The following LPP variants were observed in gnomAD, a reference collection of about 807,000 sequenced individuals.
LPP encodes the protein lipoma-preferred partner.
Under a neutral mutation model 60.4 loss-of-function variants are expected in LPP, and 38 were observed. The observed-to-expected ratio is 0.63, with a 90% CI of 0.49 to 0.83. The LOEUF (loss-of-function observed/expected upper bound fraction) is 0.83, where lower values mean the gene tolerates loss of function less well. Ranked by LOEUF, LPP falls within the 40% of genes least tolerant of loss-of-function variation. The pLI, the probability that LPP is intolerant of heterozygous loss-of-function variation, is 0.00. For synonymous variants in LPP, 328 were observed against 290.8 expected (o/e 1.13, Z -1.30); for missense variants, 902 against 783.6 (o/e 1.15, Z -1.80).
intron 3 of LPP, among the ~76,000 whole-genome samples, chr3:188,375,903 T>C (rs1450354739): frequency 6.6e-6 from 1 of 152,242 alleles, no homozygotes; most frequent in Non-Finnish European, 1.5e-5. Flanking sequence ...TGGTATGTTG[T>C]GTCTTTGTTC....
intron 6 of LPP, among the ~76,000 whole-genome samples, chr3:188,538,085 G>A (rs1443442861): frequency 6.6e-6 from 1 of 152,188 alleles, no homozygotes; most frequent in African/African-American, 2.4e-5. Context: ...AGACACAAAT[G>A]TAAAGGATAA....
At chr3:188,770,074 G>A (rs973612763) in intron 9 of LPP, among the ~76,000 whole-genome samples, 4 of 151,926 alleles carry the variant, frequency 2.6e-5, no homozygotes, top group African/African-American at 9.7e-5. Flanking sequence ...TGAATTGTTG[G>A]CAGTGGTTCA....
Position 188,577,752 on chromosome 3 carries a change from C to CCTTCCTTT in LPP, c.430-31409_430-31408insCTTCCTTT, listed in dbSNP as rs772131875. Among the ~76,000 whole-genome samples the CCTTCCTTT allele has an allele frequency of 1.8e-3, 212 of 115,038 alleles. 2 individuals carry two copies. Among genetic ancestry groups the CCTTCCTTT allele is most frequent in the African/African-American group, 3.5e-3 (113 of 32,624 alleles). 75.5% of individuals were successfully genotyped at this position (115,038 alleles called of 152,430 possible). On this transcript the variant is annotated intron_variant, in intron 6 of 11. Coordinates refer to ENST00000617246, the MANE Select transcript of LPP (RefSeq NM_001375462.1). ...GGTTTCCTTCCTTCCTTTGTTCCTT[C>CCTTCCTTT]GTTCCTTCGTTCCTTCCTTCCTTCC... is the stretch of plus-strand genomic sequence containing the variant.
chr3:188,591,336 A>G (rs1467024305), intron 6 of LPP, among the ~76,000 whole-genome samples: 2 of 152,160 alleles, frequency 1.3e-5, no homozygotes, highest in African/African-American at 2.4e-5. Context: ...TTTTTCTGTT[A>G]TTGCATTTAT....
intron 8 of LPP, among the ~76,000 whole-genome samples, chr3:188,719,766 A>G (rs1715565159): frequency 6.6e-6 from 1 of 152,130 alleles, no homozygotes; most frequent in Non-Finnish European, 1.5e-5. Context: ...CACTTTCCCC[A>G]CCACTTTCTC....
At chr3:188,321,156 A>G (rs974395346) in intron 2 of LPP, among the ~76,000 whole-genome samples, 1 of 152,162 alleles carries the variant, frequency 6.6e-6, no homozygotes, top group Non-Finnish European at 1.5e-5. Context: ...CTCAATCAAT[A>G]TTACAGAACT....
At position 188,282,219 on chromosome 3, in the gene LPP, C is replaced by T. The variant is rs373229006; in HGVS notation, c.-67+56692C>T. ...CTTAATATGGGGCTCAGTGGCCAGGCGTTTACATAATATTGTGGGTCCTTG... is the reference window on the plus strand; with the variant it reads ...CTTAATATGGGGCTCAGTGGCCAGGTGTTTACATAATATTGTGGGTCCTTG... On this transcript the variant is annotated intron_variant, in intron 2 of 11. Transcript: ENST00000617246. 7.6e-4 allele frequency among the ~76,000 whole-genome samples: 116 copies of T among 151,972 alleles called. 3 individuals carry two copies. In the South Asian group the frequency reaches 0.017, roughly 22 times the overall value.
At position 188,323,937 on chromosome 3, in the gene LPP, A is replaced by G. The variant is rs186608622; in HGVS notation, c.-66-17726A>G. Among the ~76,000 whole-genome samples the G allele has an allele frequency of 2.6e-3, 398 of 152,244 alleles. 1 individual carries two copies. Among genetic ancestry groups the G allele is most frequent in the African/African-American group, 8.9e-3 (369 of 41,550 alleles). On this transcript the variant is annotated intron_variant, in intron 2 of 11. Coordinates refer to ENST00000617246, the MANE Select transcript of LPP (RefSeq NM_001375462.1). ...TAACGTCTCTGAGCATTAGTTTGTC[A>G]TTTTCTTACATAGGAATAGAGTTAT...
At chr3:188,492,774 A>G (rs1808781790) in intron 5 of LPP, among the ~76,000 whole-genome samples, 1 of 152,204 alleles carries the variant, frequency 6.6e-6, no homozygotes, top group African/African-American at 2.4e-5. Context: ...TTATTTCTCT[A>G]TGAGGGAAAA....
At chr3:188,284,195 GC>G in intron 2 of LPP, among the ~76,000 whole-genome samples, 1 of 152,002 alleles carries the variant, frequency 6.6e-6, no homozygotes, top group Middle Eastern at 3.4e-3. Flanking sequence ...TGATCCGCCT[GC>G]CTCGGCCTCC....
intron 7 of LPP, among the ~76,000 whole-genome samples, chr3:188,665,963 T>C (rs1855711291): frequency 6.6e-6 from 1 of 152,240 alleles, no homozygotes; most frequent in Non-Finnish European, 1.5e-5. Context: ...ATCCATCCTA[T>C]AATTCTACAA....
chr3:188,342,424 A>G (rs1763293362), intron 3 of LPP, among the ~76,000 whole-genome samples: 1 of 152,230 alleles, frequency 6.6e-6, no homozygotes, highest in Non-Finnish European at 1.5e-5. Flanking sequence ...GAAGCATCAT[A>G]GTTGTAAAAT....
chr3:188,270,646 T>C (rs940798496), intron 2 of LPP, among the ~76,000 whole-genome samples: 8 of 152,172 alleles, frequency 5.3e-5, no homozygotes, highest in African/African-American at 1.4e-4. Context: ...AGACATGCAA[T>C]GCATTCCTCA....
At chr3:188,401,305 C>G (rs1782185999) in intron 3 of LPP, among the ~76,000 whole-genome samples, 1 of 152,230 alleles carries the variant, frequency 6.6e-6, no homozygotes. Flanking sequence ...TTTCCCCTAA[C>G]TGTTCTCCCT....
At chr3:188,327,754 T>C (rs1758849082) in intron 2 of LPP, among the ~76,000 whole-genome samples, 1 of 152,146 alleles carries the variant, frequency 6.6e-6, no homozygotes, top group Admixed American at 6.5e-5. Flanking sequence ...TTATCTTTCC[T>C]AGTGGTTTAG....
At chr3:188,228,657 A>G (rs991460229) in intron 2 of LPP, among the ~76,000 whole-genome samples, 1 of 152,196 alleles carries the variant, frequency 6.6e-6, no homozygotes, top group East Asian at 1.9e-4. Flanking sequence ...CTGGACAGAA[A>G]GAGGCTTTTG....
chr3:188,506,807 A>T (rs912920975), intron 5 of LPP, among the ~76,000 whole-genome samples: 5 of 149,254 alleles, frequency 3.3e-5, no homozygotes, highest in African/African-American at 1.0e-4. Context: ...ATTTCATTTT[A>T]TTTTTTTTGA....
intron 1 of LPP, among the ~76,000 whole-genome samples, chr3:188,159,074 C>G (rs772522480): frequency 6.6e-6 from 1 of 152,204 alleles, no homozygotes; most frequent in African/African-American, 2.4e-5. Context: ...CTCGCTTCCC[C>G]AGTCCCTTGT....
chr3:188,158,573 G>A (rs567835428), intron 1 of LPP, among the ~76,000 whole-genome samples: 7 of 152,282 alleles, frequency 4.6e-5, no homozygotes, highest in Admixed American at 4.6e-4. Flanking sequence ...GTTGAGGCTG[G>A]AAAATGTTTC....
Sources: gnomAD v4.1 joint callset for allele counts (sites outside exome capture counted in the v4.1 genomes callset) on GRCh38, gnomAD v4.1.1 for gene constraint, MANE v1.5 for transcripts, NCBI Gene and HGNC (gene_info 2026-07-23, HGNC 2026-07-21) for gene names.